The following IMPA2 variants were observed in gnomAD, a reference collection of about 807,000 sequenced individuals.
The protein encoded by IMPA2 is inositol monophosphatase 2.
A neutral mutation model predicts 35.1 loss-of-function variants in IMPA2; 32 were observed. The ratio of observed to expected loss-of-function variants is 0.91; its 90% CI spans 0.69 to 1.23. IMPA2 has a LOEUF of 1.23. Ranked by LOEUF, IMPA2 falls within the 50% of genes most tolerant of loss-of-function variation. The pLI, the probability that IMPA2 is intolerant of heterozygous loss-of-function variation, is 0.00. For missense variants in IMPA2, 334 were observed against 387.6 expected (o/e 0.86, Z 1.16); for synonymous variants, 135 against 160.6 (o/e 0.84, Z 1.20).
intron 1 of IMPA2, among the ~76,000 whole-genome samples, chr18:11,983,944 T>G (rs1906580404): frequency 1.3e-5 from 2 of 152,134 alleles, no homozygotes; most frequent in South Asian, 4.1e-4. Context: ...GAGTTCTCCT[T>G]AGTGAAGAGC....
At position 12,005,491 on chromosome 18, in the gene IMPA2, A is replaced by G. The variant is rs1340509121; in HGVS notation, c.231-4392A>G. On this transcript the variant is annotated intron_variant, in intron 2 of 7. Transcript: ENST00000269159. ...CAAAGCGAGACCATGTCTCCAAGAA[A>G]AAAAAAAAAAATTTCTAAAAGTACT... Among the ~76,000 whole-genome samples, 3 of 151,110 alleles carry G rather than the reference A, an allele frequency of 2.0e-5. No individual in the cohort carries two copies. In the East Asian group the frequency reaches 5.8e-4, roughly 29 times the overall value.
chr18:11,989,305 G>A (rs1314300476), intron 1 of IMPA2, among the ~76,000 whole-genome samples: 2 of 152,258 alleles, frequency 1.3e-5, no homozygotes, highest in African/African-American at 2.4e-5. Flanking sequence ...TGTCGCTGGA[G>A]GAAGAGGAGG....
intron 6 of IMPA2, 69 bp from the exon 7 acceptor site, chr18:12,028,754 CAGCCGGGGTACCTGGCTGA>C: frequency 6.9e-7 from 1 of 1,448,422 alleles, no homozygotes; most frequent in Non-Finnish European, 9.3e-7. Flanking sequence ...GGAAAATGCC[CAGCCGGGGTACCTGGCTGA>C]AGTCGGCTTG....
chr18:12,028,890 A>G lies in IMPA2; in HGVS notation c.648A>G (p.Ser216=). ...CATTGGCACTCTGCCACCTGGCCTC[A>G]GGGGCCGCGGATGCCTATTACCAGT... ...SSTLALCHLA[S]GAADAYYQFG... The change falls in exon 7 of 8, where the codon TCA becomes TCG. Residue 216 remains serine, a synonymous_variant. Transcript: ENST00000269159. 6.2e-7 allele frequency: 1 copy of G among 1,614,092 alleles called. No homozygotes were observed. The highest frequency in any genetic ancestry group is 8.5e-7 in the Non-Finnish European group (1 of 1,179,998).
At chr18:11,992,736 A>C (rs1240338385) in intron 1 of IMPA2, among the ~76,000 whole-genome samples, 1 of 152,136 alleles carries the variant, frequency 6.6e-6, no homozygotes, top group African/African-American at 2.4e-5. Flanking sequence ...TGGTGGAGTG[A>C]GAGTGTTTAA....
chr18:12,012,712 G>A (rs552308268), intron 4 of IMPA2, among the ~76,000 whole-genome samples: 2 of 152,356 alleles, frequency 1.3e-5, no homozygotes, highest in South Asian at 2.1e-4. Context: ...CATGGAAGGC[G>A]TGGGGCTGAG....
At chr18:11,997,120 A>T (rs2143787916) in intron 1 of IMPA2, among the ~76,000 whole-genome samples, 1 of 152,324 alleles carries the variant, frequency 6.6e-6, no homozygotes, top group South Asian at 2.1e-4. Flanking sequence ...CACCGTGGCC[A>T]TACATGAGAC....
At position 12,010,748 on chromosome 18, in the gene IMPA2, C is replaced by T. The variant is rs780306081; in HGVS notation, c.335+761C>T. Among the ~76,000 whole-genome samples, 1 of 152,192 alleles carries T rather than the reference C, an allele frequency of 6.6e-6. No individual in the cohort carries two copies. Among genetic ancestry groups the T allele is most frequent in the Non-Finnish European group, 1.5e-5 (1 of 68,044 alleles). On this transcript the variant is annotated intron_variant, in intron 3 of 7. Coordinates refer to ENST00000269159, the MANE Select transcript of IMPA2 (RefSeq NM_014214.3). This position sits in a 1 kb window ranked among gnomAD's most constrained non-coding sequence, Gnocchi z 4.8. Reference sequence around the variant, plus strand: ...GTGCACGCCAGCACACTAGGCTGCACGCGCTAAGCAGGAAGGGTGAGCAGA... The same window carrying T: ...GTGCACGCCAGCACACTAGGCTGCATGCGCTAAGCAGGAAGGGTGAGCAGA...
chr18:12,008,662 G>A (rs1907347666), intron 2 of IMPA2: 1 of 421,680 alleles, frequency 2.4e-6, no homozygotes, highest in African/African-American at 2.0e-5. Context: ...TGGGGTGCAG[G>A]AGGAAGGGTG....
At chr18:12,029,860 C>T (rs1344324802) in intron 7 of IMPA2, among the ~76,000 whole-genome samples, 1 of 152,248 alleles carries the variant, frequency 6.6e-6, no homozygotes, top group Non-Finnish European at 1.5e-5. Flanking sequence ...GCTTTATCAT[C>T]TTGCCCGAGC....
At position 11,984,850 on chromosome 18, in the gene IMPA2, C is replaced by T. The variant is rs369501816; in HGVS notation, c.96+3085C>T. On this transcript the variant is annotated intron_variant, in intron 1 of 7. Transcript: ENST00000269159. ...GGGCGTGGTGGCGGGCGCCTGTAGT[C>T]CCAGCTACTCAGGAGGCTGAGGCAG... Among the ~76,000 whole-genome samples the T allele has an allele frequency of 1.9e-3, 283 of 149,358 alleles. 3 individuals are homozygous for T. The highest frequency in any genetic ancestry group is 6.6e-3 in the African/African-American group (271 of 41,326).
At position 12,019,402 on chromosome 18, in the gene IMPA2, G is replaced by A. The variant is rs1032242879; in HGVS notation, c.490+5029G>A. 1.0e-4 allele frequency among the ~76,000 whole-genome samples: 15 copies of A among 150,686 alleles called. No homozygotes were observed. The East Asian group carries it at 2.3e-3, about 24-fold the overall frequency. On this transcript the variant is annotated intron_variant, in intron 5 of 7. Coordinates refer to ENST00000269159, the MANE Select transcript of IMPA2 (RefSeq NM_014214.3). ...CCGGAGTAGCTGGAATTATAGGCAC[G>A]CACCCCATGTCCGGCTAATTTTTTT...
chr18:11,984,922 C>T (rs868616273), intron 1 of IMPA2, among the ~76,000 whole-genome samples: 42 of 145,352 alleles, frequency 2.9e-4, no homozygotes, highest in African/African-American at 1.0e-3. Context: ...GAGTAGAGAT[C>T]GTGCCACTGC....
chr18:11,981,948 C>T (rs1598677624), intron 1 of IMPA2, among the ~76,000 whole-genome samples, 183 bp downstream of exon 1: 1 of 152,032 alleles, frequency 6.6e-6, no homozygotes, highest in Middle Eastern at 3.2e-3. Context: ...ACCTCCCGCG[C>T]CCTTCTCCAA....
At chr18:11,990,540 C>T (rs666521) in intron 1 of IMPA2, among the ~76,000 whole-genome samples, 1 of 151,786 alleles carries the variant, frequency 6.6e-6, no homozygotes, top group African/African-American at 2.4e-5. Flanking sequence ...GACTTGGGGG[C>T]CCCGTGTGGA....
intron 2 of IMPA2, among the ~76,000 whole-genome samples, chr18:12,003,411 C>T (rs991060229): frequency 7.9e-5 from 12 of 151,988 alleles, no homozygotes; most frequent in Non-Finnish European, 1.0e-4. Context: ...TTTCAGAGGC[C>T]GAGGTGGGTG....
At chr18:11,984,761 A>G (rs1316311284) in intron 1 of IMPA2, among the ~76,000 whole-genome samples, 6 of 152,090 alleles carry the variant, frequency 3.9e-5, no homozygotes, top group Non-Finnish European at 1.5e-5. Context: ...AGGTCAGGAG[A>G]TCAAGACCAT....
rs1170110136 is a variant in IMPA2, at chr18:12,010,566, G to T, written c.335+579G>T. On this transcript the variant is annotated intron_variant, in intron 3 of 7. Coordinates refer to ENST00000269159, the MANE Select transcript of IMPA2 (RefSeq NM_014214.3). This position sits in a 1 kb window ranked among gnomAD's most constrained non-coding sequence, Gnocchi z 4.8. The stretch of plus-strand genomic sequence containing the variant: ...CACAGGTGTTCTCTGGCAGTGGCAG[G>T]TGATGGTGCTGCGCTGCCTGTCTAC... Among the ~76,000 whole-genome samples the T allele has an allele frequency of 6.6e-6, 1 of 152,232 alleles. No individual in the cohort carries two copies. The highest frequency in any genetic ancestry group is 1.5e-5 in the Non-Finnish European group (1 of 68,032).
chr18:12,000,334 CTTT>C lies in IMPA2; in HGVS notation c.230+1165_230+1167del, dbSNP rs533943091. ...ATTACAGGAGCCACTCCACCTGGCT[CTTT>C]TTTTTTTTTTTTTTTTTCTGTGAAT... On this transcript the variant is annotated intron_variant, in intron 2 of 7. Transcript: ENST00000269159. Among the ~76,000 whole-genome samples the C allele has an allele frequency of 9.2e-4, 102 of 111,222 alleles. 1 individual carries two copies. Among genetic ancestry groups the C allele is most frequent in the African/African-American group, 2.7e-3 (80 of 29,910 alleles). The allele number at this position is 111,222 out of a possible 152,430, so 73.0% of individuals were successfully genotyped here. A position where few individuals can be genotyped will look rare whatever the true frequency, so the allele number is the denominator to read the frequency against.
Sources: gnomAD v4.1 joint callset for allele counts (sites outside exome capture counted in the v4.1 genomes callset) on GRCh38, gnomAD v4.1.1 for gene constraint, Gnocchi (gnomAD v3.1) non-coding constraint, MANE v1.5 for transcripts, NCBI Gene and HGNC (gene_info 2026-07-23, HGNC 2026-07-21) for gene names.